ASAP1: variants seen among roughly 807,000 people sequenced by gnomAD.
ASAP1 encodes the protein arf-GAP with SH3 domain, ANK repeat and PH domain-containing protein 1.
A neutral mutation model predicts 145.2 loss-of-function variants in ASAP1; 43 were observed. That is an observed-to-expected ratio of 0.30 (90% CI 0.23 to 0.38). The LOEUF (loss-of-function observed/expected upper bound fraction) is 0.38. Among genes scored for constraint, ASAP1 ranks in the 10% least tolerant of loss-of-function variants. The pLI is 1.00. For synonymous variants in ASAP1, 546 were observed against 515.5 expected (o/e 1.06, Z -0.80); for missense variants, 1,018 against 1,355.3 (o/e 0.75, Z 3.91).
chr8:130,156,330 T>C (rs1483150214), intron 12 of ASAP1, among the ~76,000 whole-genome samples: 2 of 152,224 alleles, frequency 1.3e-5, no homozygotes, highest in Non-Finnish European at 2.9e-5. Flanking sequence ...TTAGTGCTCA[T>C]CTTTGCTATC....
intron 7 of ASAP1, among the ~76,000 whole-genome samples, chr8:130,186,276 G>C (rs532936107): frequency 3.9e-5 from 6 of 152,150 alleles, no homozygotes; most frequent in Non-Finnish European, 8.8e-5. Context: ...TCCTAAGACA[G>C]CAAGTCCCTA....
At chr8:130,157,751 A>C (rs949768419) in intron 12 of ASAP1, among the ~76,000 whole-genome samples, 1 of 152,168 alleles carries the variant, frequency 6.6e-6, no homozygotes, top group East Asian at 1.9e-4. Flanking sequence ...AGGTATCTGC[A>C]TAGATTTCTC....
chr8:130,295,778 AT>A (rs1002976394), intron 3 of ASAP1, among the ~76,000 whole-genome samples: 1 of 150,936 alleles, frequency 6.6e-6, no homozygotes, highest in South Asian at 2.1e-4. Flanking sequence ...GTGGCACAAG[AT>A]TTTTTTTTTC....
At chr8:130,284,907 G>GAGAGAGAC (rs1401025652) in intron 3 of ASAP1, among the ~76,000 whole-genome samples, 3 of 151,782 alleles carry the variant, frequency 2.0e-5, no homozygotes, top group Non-Finnish European at 4.4e-5. Flanking sequence ...GAGAAAGAGA[G>GAGAGAGAC]AGAGAGACAG....
At chr8:130,149,467 A>G (rs1399860250) in intron 13 of ASAP1, among the ~76,000 whole-genome samples, 2 of 152,128 alleles carry the variant, frequency 1.3e-5, no homozygotes, top group East Asian at 3.9e-4. Flanking sequence ...TCTCTTTAGA[A>G]CAGTAAGCTG....
Position 130,060,531 on chromosome 8 carries a change from C to T in ASAP1, c.3192+48G>A, listed in dbSNP as rs2097416806. 3 of 1,531,476 alleles carry T rather than the reference C, an allele frequency of 2.0e-6. No homozygotes were observed. In the East Asian group the frequency reaches 6.8e-5, roughly 35 times the overall value. The allele number at this position is 1,531,476 out of a possible 1,614,324, so 94.9% of individuals were successfully genotyped here. On this transcript the variant is annotated intron_variant, in intron 28 of 29. Transcript: ENST00000518721. ...GAGCACCTGCCCTCCCACCAACTTG[C>T]AAAGTGCGGAATAGGGTTCCTAAGG...
chr8:130,258,285 G>A (rs1226169412), intron 3 of ASAP1, among the ~76,000 whole-genome samples: 1 of 152,192 alleles, frequency 6.6e-6, no homozygotes, highest in Non-Finnish European at 1.5e-5. Context: ...AATTCTGCAC[G>A]TGACCCAGGA....
chr8:130,218,971 T>C (rs559100319), intron 4 of ASAP1, among the ~76,000 whole-genome samples: 1 of 152,042 alleles, frequency 6.6e-6, no homozygotes, highest in Admixed American at 6.6e-5. Context: ...CATAAAAATA[T>C]AACAGTTTAG....
chr8:130,260,135 T>A (rs1183305112), intron 3 of ASAP1, among the ~76,000 whole-genome samples: 1 of 152,246 alleles, frequency 6.6e-6, no homozygotes. Flanking sequence ...TTATTCCCAA[T>A]GTTTCTTGTT....
At chr8:130,433,131 G>A (rs1296633847) in intron 1 of ASAP1, among the ~76,000 whole-genome samples, 1 of 152,202 alleles carries the variant, frequency 6.6e-6, no homozygotes, top group African/African-American at 2.4e-5. Context: ...GTCTATAAAC[G>A]ACACCATAGT....
intron 5 of ASAP1, among the ~76,000 whole-genome samples, chr8:130,197,241 G>A (rs1215588882): frequency 1.3e-5 from 2 of 152,180 alleles, no homozygotes; most frequent in Non-Finnish European, 2.9e-5. Context: ...CCGCCTAGGC[G>A]ACATGGTGAA....
chr8:130,234,733 C>T (rs965047078), intron 4 of ASAP1, among the ~76,000 whole-genome samples: 4 of 152,098 alleles, frequency 2.6e-5, no homozygotes, highest in African/African-American at 2.4e-5. Flanking sequence ...AGCAGCACCT[C>T]GTGGCTGTAA....
At chr8:130,140,322 C>T (rs893500633) in intron 13 of ASAP1, among the ~76,000 whole-genome samples, 5 of 151,914 alleles carry the variant, frequency 3.3e-5, no homozygotes, top group Non-Finnish European at 7.4e-5. Flanking sequence ...AGGCACCATG[C>T]TGGCCTCAGG....
chr8:130,128,448 G>A (rs2097578560), intron 15 of ASAP1, among the ~76,000 whole-genome samples: 1 of 152,140 alleles, frequency 6.6e-6, no homozygotes, highest in Non-Finnish European at 1.5e-5. Flanking sequence ...AGGACTCAAT[G>A]AGGGACCCAT....
chr8:130,182,856 C>A (rs1307075851), intron 7 of ASAP1, among the ~76,000 whole-genome samples: 8 of 115,870 alleles, frequency 6.9e-5, no homozygotes, highest in East Asian at 2.5e-4. Context: ...AAAAACCCAA[C>A]TGAGCAAAAG....
intron 2 of ASAP1, among the ~76,000 whole-genome samples, chr8:130,379,882 G>A (rs1827685268): frequency 6.6e-6 from 1 of 152,180 alleles, no homozygotes; most frequent in Non-Finnish European, 1.5e-5. Context: ...CTAGGGACCA[G>A]CCAGACACCA....
chr8:130,161,625 T>A (rs1243744276), intron 11 of ASAP1, among the ~76,000 whole-genome samples: 1 of 151,384 alleles, frequency 6.6e-6, no homozygotes, highest in Non-Finnish European at 1.5e-5. Flanking sequence ...ATTAAAGAGG[T>A]TACAAACTTG....
intron 2 of ASAP1, among the ~76,000 whole-genome samples, chr8:130,388,136 CAGA>C (rs1351890852): frequency 3.3e-5 from 5 of 152,270 alleles, no homozygotes; most frequent in South Asian, 4.1e-4. Context: ...GCCCTGGAGG[CAGA>C]AGAAGAGCAT....
At position 130,112,273 on chromosome 8, in the gene ASAP1, T is replaced by A. The variant is rs370432005; in HGVS notation, c.2222A>T (p.His741Leu). ...ERSPRPQSFC[H>L]SSSISPQDKL... ...GTCCTGGGGGGAGATGCTGGAGGAG[T>A]GGCAGAAGCTCTGAGGTCTGGGTGA... Residue 741 changes from histidine (H) to leucine (L), a missense_variant, in exon 24 of 30, where the codon CAC becomes CTC. His to Leu is a moderately conservative substitution (Grantham distance 99). Transcript: ENST00000518721. The A allele has an allele frequency of 6.2e-7, 1 of 1,613,664 alleles. No individual in the cohort carries two copies. The highest frequency in any genetic ancestry group is 8.5e-7 in the Non-Finnish European group (1 of 1,179,946).
Sources: allele counts gnomAD v4.1 joint callset (sites outside exome capture counted in the v4.1 genomes callset), GRCh38; gene constraint gnomAD v4.1.1; transcripts MANE v1.5; gene names NCBI Gene and HGNC (gene_info 2026-07-23, HGNC 2026-07-21).